Variants in PCDHA5 observed in about 807,000 individuals in gnomAD.
The protein encoded by PCDHA5 is protocadherin alpha 5, also known as protocadherin alpha-5.
In PCDHA5, 43 loss-of-function variants were observed where a neutral mutation model predicts 61.6. The ratio of observed to expected loss-of-function variants is 0.70; its 90% confidence interval spans 0.55 to 0.90. PCDHA5 has a LOEUF of 0.90. PCDHA5 is among the 40% of genes least tolerant of loss of function. PCDHA5 has a pLI of 0.00. For missense variants in PCDHA5, 1,298 were observed against 1,222.7 expected (o/e 1.06, Z -0.92); for synonymous variants, 627 against 543.9 (o/e 1.15, Z -2.13).
intron 1 of PCDHA5, among the ~76,000 whole-genome samples, chr5:140,831,552 G>T (rs2150196212): frequency 7.2e-6 from 1 of 139,216 alleles, no homozygotes; most frequent in Non-Finnish European, 1.5e-5. Flanking sequence ...TTTAAGAGAT[G>T]GGGTTTCTCC....
At chr5:140,991,648 A>G (rs2097463830) in intron 3 of PCDHA5, among the ~76,000 whole-genome samples, 1 of 152,192 alleles carries the variant, frequency 6.6e-6, no homozygotes, top group Non-Finnish European at 1.5e-5. Context: ...GTTCATGACA[A>G]TTTAGGTTTG....
intron 1 of PCDHA5, chr5:140,829,760 G>T (rs1554132217): frequency 6.2e-7 from 1 of 1,613,780 alleles, no homozygotes. Context: ...GTTCGTGCTG[G>T]ACGAGAACGA....
At chr5:140,925,084 A>AGGAAGGAAGGAAGGAAGGAAGGAG (rs1554202501) in intron 1 of PCDHA5, among the ~76,000 whole-genome samples, 2 of 144,612 alleles carry the variant, frequency 1.4e-5, no homozygotes, top group African/African-American at 5.6e-5. Context: ...TCATCTGGAA[A>AGGAAGGAAGGAAGGAAGGAAGGAG]GGAAGGAAGG....
intron 1 of PCDHA5, among the ~76,000 whole-genome samples, chr5:140,911,873 A>G (rs980533422): frequency 7.2e-5 from 11 of 152,038 alleles, no homozygotes; most frequent in African/African-American, 2.7e-4. Flanking sequence ...TTCTGGAACC[A>G]CTCCTGGGAC....
intron 1 of PCDHA5, chr5:140,843,756 G>A: frequency 2.7e-6 from 4 of 1,503,408 alleles, no homozygotes; most frequent in Non-Finnish European, 3.7e-6. Flanking sequence ...TTCTATTTGT[G>A]GAAATTGTAG....
At chr5:140,829,025 C>T in intron 1 of PCDHA5, 2 of 1,613,002 alleles carry the variant, frequency 1.2e-6, no homozygotes, top group Non-Finnish European at 1.7e-6. Context: ...GGATTTTGAA[C>T]AAGAAAACTT....
intron 1 of PCDHA5, chr5:140,929,505 C>A: frequency 1.2e-6 from 1 of 840,606 alleles, no homozygotes; most frequent in Non-Finnish European, 1.7e-6. Flanking sequence ...TGCCCTAGGC[C>A]TCAAGGGACT....
At chr5:140,977,588 A>G (rs1237547807) in intron 1 of PCDHA5, among the ~76,000 whole-genome samples, 1 of 152,182 alleles carries the variant, frequency 6.6e-6, no homozygotes, top group Non-Finnish European at 1.5e-5. Context: ...GAGAGCAGTT[A>G]GCATGTGAGG....
intron 1 of PCDHA5, among the ~76,000 whole-genome samples, chr5:140,957,226 C>T (rs1421287024): frequency 1.3e-5 from 2 of 152,080 alleles, no homozygotes; most frequent in African/African-American, 4.8e-5. Context: ...TTTGGCGAAG[C>T]ATTTTGGCAT....
At chr5:140,896,858 A>C (rs1448787828) in intron 1 of PCDHA5, among the ~76,000 whole-genome samples, 3 of 152,192 alleles carry the variant, frequency 2.0e-5, no homozygotes, top group Non-Finnish European at 4.4e-5. Context: ...TGGGTACATA[A>C]TAAGTGTACA....
chr5:140,969,076 T>C, intron 1 of PCDHA5: 2 of 1,614,162 alleles, frequency 1.2e-6, no homozygotes, highest in South Asian at 2.2e-5. Flanking sequence ...GGATACCGCA[T>C]GGCCTCAAAG....
chr5:140,868,172 ATC>A (rs1554161787), intron 1 of PCDHA5: 1 of 152,152 alleles, frequency 6.6e-6, no homozygotes. Context: ...AAATTTTGAT[ATC>A]TCATATTATG....
chr5:140,883,162 C>T, intron 1 of PCDHA5: 2 of 1,613,808 alleles, frequency 1.2e-6, no homozygotes, highest in Non-Finnish European at 1.7e-6. Flanking sequence ...TAAATCCGAA[C>T]AATGGAGAAA....
In PCDHA5 at chr5:140,822,291, TC is replaced by T. The variant is rs2150115255; in HGVS notation, c.518del (p.Pro173GlnfsTer7). The T allele has an allele frequency of 2.5e-6, 4 of 1,614,198 alleles. No individual in the cohort carries two copies. The highest frequency in any genetic ancestry group is 3.4e-6 in the Non-Finnish European group (4 of 1,180,040). ...ANAQLRYRLN[P>X]NEYFDLDVKT... is the part of the protein sequence containing the mutation. ...ATGCACAATTGAGATACAGGTTAAA[TC>T]CAAACGAATATTTTGACTTAGATGT... On this transcript the variant is annotated frameshift_variant, in exon 1 of 4. Coordinates refer to ENST00000529859, the MANE Select transcript of PCDHA5 (RefSeq NM_018908.3). LOFTEE classifies it high-confidence loss of function.
At chr5:140,829,795 T>C (rs1166069883) in intron 1 of PCDHA5, 11 of 1,613,604 alleles carry the variant, frequency 6.8e-6, no homozygotes, top group Non-Finnish European at 9.3e-6. Flanking sequence ...TGCTGGCGCC[T>C]CGGGTGGGTG....
rs782499527 is a variant in PCDHA5, at chr5:140,871,070, C to T, written c.2352+46943C>T. ...GTACTGGTGAAGGATCACGGTGAGC[C>T]GGCGCTGACGGCCACGGCCACCGTG... On this transcript the variant is annotated intron_variant, in intron 1 of 3. Transcript: ENST00000529859. 11 of 1,613,094 alleles carry T rather than the reference C, an allele frequency of 6.8e-6. No homozygotes were observed. The South Asian group carries it at 9.9e-5, about 14-fold the overall frequency.
At chr5:140,881,025 C>A (rs1554171683) in intron 1 of PCDHA5, among the ~76,000 whole-genome samples, 1 of 152,216 alleles carries the variant, frequency 6.6e-6, no homozygotes, top group Admixed American at 6.5e-5. Context: ...ATAAACCCAA[C>A]AGTCATTTCC....
intron 1 of PCDHA5, among the ~76,000 whole-genome samples, chr5:140,959,564 G>T (rs1440482785): frequency 6.6e-6 from 1 of 152,072 alleles, no homozygotes; most frequent in Non-Finnish European, 1.5e-5. Flanking sequence ...ATCAGTACTA[G>T]ATTTTTTGTT....
chr5:140,856,373 G>A (rs781914523), intron 1 of PCDHA5: 1 of 1,598,562 alleles, frequency 6.3e-7, no homozygotes, highest in Non-Finnish European at 8.6e-7. Context: ...GGAGGTGATC[G>A]TGGACAGGCC....
Sources: allele counts gnomAD v4.1 joint callset (sites outside exome capture counted in the v4.1 genomes callset), GRCh38; gene constraint gnomAD v4.1.1; transcripts MANE v1.5; gene names NCBI Gene and HGNC (gene_info 2026-07-23, HGNC 2026-07-21).